The following PTPRM variants were observed in gnomAD, a reference collection of about 807,000 sequenced individuals.
The protein encoded by PTPRM is receptor-type tyrosine-protein phosphatase mu.
A neutral mutation model predicts 186.7 loss-of-function variants in PTPRM; 47 were observed. The observed-to-expected ratio is 0.25, with a 90% CI of 0.20 to 0.32. PTPRM has a LOEUF of 0.32. PTPRM is among the 10% of genes least tolerant of loss of function. The pLI is 1.00. For synonymous variants in PTPRM, 668 were observed against 674.9 expected (o/e 0.99, Z 0.16); for missense variants, 1,494 against 1,865.0 (o/e 0.80, Z 3.66).
chr18:7,997,913 C>CA (rs1482014593), intron 7 of PTPRM, among the ~76,000 whole-genome samples: 1 of 152,126 alleles, frequency 6.6e-6, no homozygotes, highest in Non-Finnish European at 1.5e-5. Flanking sequence ...GGAGAACTCT[C>CA]ATGTCAATGT....
intron 13 of PTPRM, among the ~76,000 whole-genome samples, chr18:8,141,261 G>A (rs541495557): frequency 3.9e-5 from 6 of 152,236 alleles, no homozygotes; most frequent in South Asian, 2.1e-4. Context: ...CCAAACACCC[G>A]ACTCAACCGG....
chr18:8,118,478 A>C (rs2092040662), intron 13 of PTPRM, among the ~76,000 whole-genome samples: 1 of 152,168 alleles, frequency 6.6e-6, no homozygotes, highest in Admixed American at 6.6e-5. Flanking sequence ...AATGCTTCCC[A>C]GCACGAATTT....
intron 2 of PTPRM, among the ~76,000 whole-genome samples, chr18:7,868,650 G>A (rs1208836694): frequency 1.3e-5 from 2 of 152,226 alleles, no homozygotes; most frequent in Non-Finnish European, 2.9e-5. Flanking sequence ...GCTGGGAGGT[G>A]TCTCCCCATC....
At chr18:8,395,025 A>G (rs1353224253) in intron 32 of PTPRM, among the ~76,000 whole-genome samples, 2 of 152,228 alleles carry the variant, frequency 1.3e-5, no homozygotes, top group African/African-American at 4.8e-5. Flanking sequence ...TTTTAGTTTG[A>G]CATCCAGAAT....
intron 20 of PTPRM, among the ~76,000 whole-genome samples, chr18:8,304,793 T>G (rs1156395176): frequency 4.0e-5 from 6 of 150,696 alleles, no homozygotes; most frequent in Non-Finnish European, 7.4e-5. Flanking sequence ...GTCTTCTTAT[T>G]TTTCTATCTC....
chr18:7,793,203 A>G (rs1188595671), intron 2 of PTPRM, among the ~76,000 whole-genome samples: 1 of 152,202 alleles, frequency 6.6e-6, no homozygotes, highest in African/African-American at 2.4e-5. Context: ...CCCAATAGGA[A>G]GGCAGCTGTT....
chr18:7,885,851 A>G (rs1278859191), intron 2 of PTPRM, among the ~76,000 whole-genome samples: 2 of 152,192 alleles, frequency 1.3e-5, no homozygotes, highest in East Asian at 3.9e-4. Context: ...GTAAAATAAC[A>G]GTTTTGGAAA....
chr18:7,771,831 A>G (rs773857589), intron 1 of PTPRM, among the ~76,000 whole-genome samples: 1 of 152,248 alleles, frequency 6.6e-6, no homozygotes, highest in South Asian at 2.1e-4. Flanking sequence ...TATTACCACA[A>G]TTGAATGACA....
intron 1 of PTPRM, among the ~76,000 whole-genome samples, chr18:7,635,206 A>G (rs1357602157): frequency 6.6e-6 from 1 of 152,228 alleles, no homozygotes; most frequent in Admixed American, 6.5e-5. Context: ...TTCCAGCAGT[A>G]TAGAAAAACA....
intron 5 of PTPRM, among the ~76,000 whole-genome samples, chr18:7,943,295 A>G (rs1443434770): frequency 6.6e-6 from 1 of 151,728 alleles, no homozygotes; most frequent in South Asian, 2.1e-4. Context: ...CTGTCTCTTC[A>G]TGCCTTCCTG....
At position 8,219,295 on chromosome 18, in the gene PTPRM, G is replaced by A. The variant is rs768448133; in HGVS notation, c.2301-24763G>A. On this transcript the variant is annotated intron_variant, in intron 14 of 32. Transcript: ENST00000580170. ...ATCCTGGCTAACATGGTGAAACCCC[G>A]TCTCTACTTAAAATACAAAAAATTA... Among the ~76,000 whole-genome samples, 30 of 152,152 alleles carry A rather than the reference G, an allele frequency of 2.0e-4. No individual in the cohort carries two copies. The East Asian group carries it at 5.4e-3, about 27-fold the overall frequency.
intron 1 of PTPRM, chr18:7,755,140 ACAAAT>A (rs2041414430): frequency 6.6e-6 from 1 of 152,148 alleles, no homozygotes; most frequent in Non-Finnish European, 1.5e-5. Context: ...TAGTAATCAG[ACAAAT>A]CAAACAACTA....
In PTPRM at chr18:8,244,219, T is replaced by C; in HGVS notation, c.2452+10T>C. On this transcript the variant is annotated intron_variant, in intron 15 of 32. Transcript: ENST00000580170. ...AATCTGAATGGGAGATGTAAGTGCA[T>C]ATGTTTCTTGGCTTCTAACACATCT... is the stretch of plus-strand genomic sequence containing the variant. 1.3e-6 allele frequency: 2 copies of C among 1,537,438 alleles called. No homozygotes were observed. Among genetic ancestry groups the C allele is most frequent in the Non-Finnish European group, 8.7e-7 (1 of 1,149,392 alleles).
intron 2 of PTPRM, among the ~76,000 whole-genome samples, chr18:7,863,315 A>G (rs1406758212): frequency 1.3e-5 from 2 of 152,080 alleles, no homozygotes. Context: ...GCCATCATCT[A>G]CATTAGATAT....
intron 7 of PTPRM, among the ~76,000 whole-genome samples, chr18:8,030,506 T>C (rs1275140117): frequency 6.6e-6 from 1 of 152,216 alleles, no homozygotes; most frequent in African/African-American, 2.4e-5. Flanking sequence ...GTGGCATTTC[T>C]TAGTGCGTGT....
At chr18:8,208,687 A>G (rs1214799190) in intron 14 of PTPRM, among the ~76,000 whole-genome samples, 1 of 152,124 alleles carries the variant, frequency 6.6e-6, no homozygotes, top group Non-Finnish European at 1.5e-5. Flanking sequence ...TTTTTAAAAA[A>G]ATTTTGTAGA....
intron 2 of PTPRM, among the ~76,000 whole-genome samples, chr18:7,875,996 T>C (rs2048221863): frequency 6.6e-6 from 1 of 152,188 alleles, no homozygotes; most frequent in South Asian, 2.1e-4. Flanking sequence ...AATACTATGG[T>C]AAGTATTTGT....
intron 2 of PTPRM, among the ~76,000 whole-genome samples, chr18:7,803,820 A>G (rs561613028): frequency 1.2e-4 from 18 of 152,308 alleles, no homozygotes; most frequent in African/African-American, 4.1e-4. Context: ...CGGACAACAC[A>G]TGCCTACTTC....
At chr18:8,055,757 G>A (rs1203934091) in intron 7 of PTPRM, among the ~76,000 whole-genome samples, 1 of 152,196 alleles carries the variant, frequency 6.6e-6, no homozygotes, top group East Asian at 1.9e-4. Context: ...ATGTATCAGT[G>A]TGTTTATAGA....
Sources: allele counts gnomAD v4.1 joint callset (sites outside exome capture counted in the v4.1 genomes callset), GRCh38; gene constraint gnomAD v4.1.1; transcripts MANE v1.5; gene names NCBI Gene and HGNC (gene_info 2026-07-23, HGNC 2026-07-21).